Variants in LONRF2 observed in about 807,000 individuals in gnomAD.
LONRF2 encodes LON peptidase N-terminal domain and RING finger protein 2.
In LONRF2, 35 loss-of-function variants were observed where a neutral mutation model predicts 66.6. The observed-to-expected ratio is 0.53, with a 90% CI of 0.40 to 0.70. LONRF2 has a LOEUF of 0.70. Ranked by LOEUF, LONRF2 falls within the 30% of genes least tolerant of loss-of-function variation. The pLI, the probability that LONRF2 is intolerant of heterozygous loss-of-function variation, is 0.00. For missense variants in LONRF2, 902 were observed against 1,002.1 expected (o/e 0.90, Z 1.35); for synonymous variants, 417 against 418.1 (o/e 1.00, Z 0.03).
chr2:100,296,460 C>T (rs994011498), intron 7 of LONRF2, among the ~76,000 whole-genome samples: 4 of 152,130 alleles, frequency 2.6e-5, no homozygotes, highest in Non-Finnish European at 4.4e-5. Context: ...CCAGGCCTGG[C>T]GGGCTTCAGG....
intron 10 of LONRF2, among the ~76,000 whole-genome samples, chr2:100,289,053 C>A (rs1390200042): frequency 1.3e-5 from 2 of 152,154 alleles, no homozygotes; most frequent in Non-Finnish European, 1.5e-5. Flanking sequence ...AAATTCAAGT[C>A]TTTTATATTT....
chr2:100,315,020 CCATT>C (rs1360536170), intron 1 of LONRF2, among the ~76,000 whole-genome samples: 1 of 152,176 alleles, frequency 6.6e-6, no homozygotes, highest in Non-Finnish European at 1.5e-5. Flanking sequence ...ACTGAATTTA[CCATT>C]CAATCAGCAG....
intron 1 of LONRF2, among the ~76,000 whole-genome samples, chr2:100,318,158 G>C (rs1675546454): frequency 6.6e-6 from 1 of 151,994 alleles, no homozygotes; most frequent in African/African-American, 2.4e-5. Context: ...GTCTTCTTCT[G>C]TGATTCAGTT....
intron 9 of LONRF2, among the ~76,000 whole-genome samples, chr2:100,293,303 C>A (rs1386272501): frequency 6.6e-6 from 1 of 152,152 alleles, no homozygotes; most frequent in Non-Finnish European, 1.5e-5. Context: ...CCATAAAGGT[C>A]CTACACATAT....
intron 9 of LONRF2, among the ~76,000 whole-genome samples, chr2:100,290,792 C>G (rs900645613): frequency 1.3e-5 from 2 of 152,168 alleles, no homozygotes; most frequent in South Asian, 4.1e-4. Flanking sequence ...CGCACACACT[C>G]GGCTTTCCAA....
In LONRF2 at chr2:100,282,590, C is replaced by T. The variant is rs1674761884; in HGVS notation, c.*1708G>A. On this transcript the variant is annotated 3_prime_UTR_variant, in exon 12 of 12. Transcript: ENST00000393437. ...CAAATGATCGGGTTAGGTTATAATG[C>T]CTAAGAAAGTTGAATACTATTGTTA... The T allele has an allele frequency of 6.6e-6, 1 of 152,064 alleles. No homozygotes were observed. Among genetic ancestry groups the T allele is most frequent in the Non-Finnish European group, 1.5e-5 (1 of 68,010 alleles). The allele number at this position is 152,064 out of a possible 1,614,324, so 9.4% of individuals were successfully genotyped here. A position where few individuals can be genotyped will look rare whatever the true frequency, so the allele number is the denominator to read the frequency against.
rs1675397582 is a variant in LONRF2, at chr2:100,311,039, T to C, written c.680-1814A>G. Among the ~76,000 whole-genome samples, 3 of 152,338 alleles carry C rather than the reference T, an allele frequency of 2.0e-5. No individual in the cohort carries two copies. In the South Asian group the frequency reaches 6.2e-4, roughly 32 times the overall value. The stretch of plus-strand genomic sequence containing the variant: ...ATGATCTAACATGAGATTTTATGTA[T>C]TTCATCTTTGAAAATGCACATAGTA... On this transcript the variant is annotated intron_variant, in intron 1 of 11. Transcript: ENST00000393437.
At position 100,299,291 on chromosome 2, in the gene LONRF2, A is replaced by G. The variant is rs1265851672; in HGVS notation, c.1296T>C (p.Ser432=). 1 of 1,592,132 alleles carries G rather than the reference A, an allele frequency of 6.3e-7. No individual in the cohort carries two copies. The highest frequency in any genetic ancestry group is 1.1e-5 in the South Asian group (1 of 87,594). ...KDLSLQRSPN[S]ETEESQGLSL... ...AGAGCCCCTGACTTTCTTCTGTCTC[A>G]GAGTTTGGGCTCCTTTGAAGTGAGA... Residue 432 remains serine (S), a synonymous_variant, in exon 6 of 12, where the codon TCT becomes TCC. Coordinates refer to ENST00000393437, the MANE Select transcript of LONRF2 (RefSeq NM_198461.4).
chr2:100,307,167 G>T (rs373098508), intron 2 of LONRF2, among the ~76,000 whole-genome samples: 1 of 152,062 alleles, frequency 6.6e-6, no homozygotes, highest in Admixed American at 6.5e-5. Context: ...TGATCCGCCC[G>T]TCTCGGCCTC....
chr2:100,295,409 G>A (rs753187022), intron 8 of LONRF2, 23 bp downstream of exon 8: 1 of 1,605,578 alleles, frequency 6.2e-7, no homozygotes, highest in South Asian at 1.1e-5. Context: ...TTAAGACCAA[G>A]GACACACAAC....
Position 100,321,656 on chromosome 2 carries a change from G to C in LONRF2, c.438C>G (p.Cys146Trp). 1.5e-6 allele frequency: 2 copies of C among 1,376,868 alleles called. No homozygotes were observed. The highest frequency in any genetic ancestry group is 1.9e-6 in the Non-Finnish European group (2 of 1,065,104). The allele number at this position is 1,376,868 out of a possible 1,614,324, so 85.3% of individuals were successfully genotyped here. ...APRDLLGCPR[C>W]RRLLHKPVTL... ...TCACCGGCTTATGCAGCAGCCGCCG[G>C]CAGCGCGGGCAGCCGAGCAGGTCGC... Residue 146 changes from cysteine to tryptophan, a missense_variant, in exon 1 of 12, where the codon TGC becomes TGG. Cys to Trp is a radical substitution (Grantham distance 215, BLOSUM62 -2). Transcript: ENST00000393437.
In LONRF2 at chr2:100,276,561, T is replaced by G. The variant is rs1425084178; in HGVS notation, c.*7737A>C. The stretch of plus-strand genomic sequence containing the variant: ...ACAGTTAATATGAGGTATTCAAGGA[T>G]TAAAACTTACTAATTAATAAAGGGG... On this transcript the variant is annotated 3_prime_UTR_variant, in exon 12 of 12. Transcript: ENST00000393437. 2.6e-5 allele frequency: 4 copies of G among 152,136 alleles called. No homozygotes were observed. The highest frequency in any genetic ancestry group is 5.9e-5 in the Non-Finnish European group (4 of 68,034). The allele number at this position is 152,136 out of a possible 1,614,324, so 9.4% of individuals were successfully genotyped here. A position where few individuals can be genotyped will look rare whatever the true frequency, so the allele number is the denominator to read the frequency against.
At chr2:100,307,441 GT>G (rs1386472390) in intron 2 of LONRF2, among the ~76,000 whole-genome samples, 1 of 152,200 alleles carries the variant, frequency 6.6e-6, no homozygotes, top group Non-Finnish European at 1.5e-5. Context: ...ACACTGTCAA[GT>G]TTTTAGCTCA....
chr2:100,273,953 GA>G lies in LONRF2; in HGVS notation c.*10344del, dbSNP rs1674545927. On this transcript the variant is annotated 3_prime_UTR_variant, in exon 12 of 12. Coordinates refer to ENST00000393437, the MANE Select transcript of LONRF2 (RefSeq NM_198461.4). ...AAATTGTGTGTGGGGTAAACAGCAT[GA>G]GAGAGAAGTCGGTCACTGGTTGAAC... The G allele has an allele frequency of 6.6e-6, 1 of 152,212 alleles. No individual in the cohort carries two copies. The highest frequency in any genetic ancestry group is 6.5e-5 in the Admixed American group (1 of 15,276). The allele number at this position is 152,212 out of a possible 1,614,324, so 9.4% of individuals were successfully genotyped here.
Position 100,287,034 on chromosome 2 carries a change from G to T in LONRF2, c.1950C>A (p.Ala650=). ...GTTGATGCACAGAATCGTGGAGAGCGGCAAGTTCTTCATACTCTGGACCCT... is the reference window on the plus strand; with the variant it reads ...GTTGATGCACAGAATCGTGGAGAGCTGCAAGTTCTTCATACTCTGGACCCT... ...KVEGPEYEEL[A]ALHDSVHQQS... is the part of the protein sequence containing the mutation. The change falls in exon 11 of 12, where the codon GCC becomes GCA. Residue 650 remains alanine (A), a synonymous_variant. Transcript: ENST00000393437. The T allele has an allele frequency of 6.2e-7, 1 of 1,613,978 alleles. No individual in the cohort carries two copies. Among genetic ancestry groups the T allele is most frequent in the Non-Finnish European group, 8.5e-7 (1 of 1,179,950 alleles).
chr2:100,298,521 C>T (rs1206100160), intron 7 of LONRF2, among the ~76,000 whole-genome samples: 1 of 152,162 alleles, frequency 6.6e-6, no homozygotes, highest in Non-Finnish European at 1.5e-5. Flanking sequence ...ATTCCTGGAG[C>T]ACATTAAGTG....
chr2:100,306,511 G>T (rs1303751814), intron 2 of LONRF2, among the ~76,000 whole-genome samples: 1 of 152,112 alleles, frequency 6.6e-6, no homozygotes, highest in Non-Finnish European at 1.5e-5. Flanking sequence ...CGCTGTTTGG[G>T]TAAGATCAAA....
intron 9 of LONRF2, among the ~76,000 whole-genome samples, chr2:100,291,832 G>T (rs1235816193): frequency 6.6e-6 from 1 of 152,036 alleles, no homozygotes; most frequent in Non-Finnish European, 1.5e-5. Flanking sequence ...CCCACACTCT[G>T]ACTGTAACTA....
At chr2:100,286,325 C>G (rs1674844676) in intron 11 of LONRF2, among the ~76,000 whole-genome samples, 1 of 152,142 alleles carries the variant, frequency 6.6e-6, no homozygotes, top group South Asian at 2.1e-4. Context: ...CCCAGCCTGG[C>G]TCTCCCATCT....
Sources: allele counts gnomAD v4.1 joint callset (sites outside exome capture counted in the v4.1 genomes callset), GRCh38; gene constraint gnomAD v4.1.1; transcripts MANE v1.5; gene names NCBI Gene and HGNC (gene_info 2026-07-23, HGNC 2026-07-21).